NUP98: variants seen among roughly 807,000 people sequenced by gnomAD.
NUP98 encodes the protein nucleoporin 98 and 96 precursor, also known as nuclear pore complex protein Nup98-Nup96.
Under a neutral mutation model 191.9 loss-of-function variants are expected in NUP98, and 26 were observed. The observed-to-expected ratio is 0.14, with a 90% confidence interval of 0.10 to 0.19. The LOEUF (loss-of-function observed/expected upper bound fraction) is 0.19, where lower values mean the gene tolerates loss of function less well. Among genes scored for constraint, NUP98 ranks in the 10% least tolerant of loss-of-function variants. The pLI is 1.00. For synonymous variants in NUP98, 808 were observed against 778.4 expected (o/e 1.04, Z -0.63); for missense variants, 1,941 against 2,178.8 (o/e 0.89, Z 2.17).
chr11:3,718,288 C>G (rs1286552466), intron 18 of NUP98, among the ~76,000 whole-genome samples: 1 of 152,132 alleles, frequency 6.6e-6, no homozygotes, highest in African/African-American at 2.4e-5. Flanking sequence ...GTAATCCCAG[C>G]ACTTTGGGAG....
In NUP98 at chr11:3,749,247, G is replaced by A. The variant is rs576007717; in HGVS notation, c.1267+4069C>T. 2.1e-4 allele frequency among the ~76,000 whole-genome samples: 32 copies of A among 151,976 alleles called. No individual in the cohort carries two copies. The South Asian group carries it at 6.4e-3, about 31-fold the overall frequency. On this transcript the variant is annotated intron_variant, in intron 11 of 32. Coordinates refer to ENST00000324932, the MANE Select transcript of NUP98 (RefSeq NM_016320.5). Reference sequence around the variant, plus strand: ...GGCGTGAACCCGGGAAGCGGAGCTTGCAGTGAGCCGAGATTGCACCACTGC... The same window carrying A: ...GGCGTGAACCCGGGAAGCGGAGCTTACAGTGAGCCGAGATTGCACCACTGC...
chr11:3,744,605 T>C lies in NUP98; in HGVS notation c.1312A>G (p.Lys438Glu), dbSNP rs779585028. 1.2e-6 allele frequency: 2 copies of C among 1,613,288 alleles called. No homozygotes were observed. Among genetic ancestry groups the C allele is most frequent in the Non-Finnish European group, 1.7e-6 (2 of 1,179,590 alleles). ...QASLFGNNQPKIGGPLGTGAF... is the reference protein window; with the variant it reads ...QASLFGNNQPEIGGPLGTGAF... The stretch of plus-strand genomic sequence containing the variant: ...CCTGTACCAAGAGGCCCTCCAATCT[T>C]AGGTTGGTTGTTCCCAAACAAAGAT... The change falls in exon 12 of 33, where the codon AAG becomes GAG. Residue 438 changes from lysine (K) to glutamate (E), a missense_variant. Physicochemically the swap from Lys to Glu is moderately conservative, Grantham distance 56. Coordinates refer to ENST00000324932, the MANE Select transcript of NUP98 (RefSeq NM_016320.5).
intron 1 of NUP98, among the ~76,000 whole-genome samples, chr11:3,791,187 GC>G (rs1351079260): frequency 1.3e-5 from 2 of 151,980 alleles, no homozygotes; most frequent in Non-Finnish European, 2.9e-5. Flanking sequence ...GAGCCACTGC[GC>G]CCCGCCCACC....
rs1420823096 is a variant in NUP98, at chr11:3,719,414, A to G, written c.2397T>C (p.Asn799=). The stretch of plus-strand genomic sequence containing the variant: ...TCTGTATGTACATAAACTCTTACCT[A>G]TTTAGCCCTTCACCCACAGGTGGTT... ...NQKPPVGEGL[N]RKAEVTLDGV... Residue 799 remains asparagine, a splice_region_variant and synonymous_variant, in exon 18 of 33, where the codon AAT becomes AAC. Transcript: ENST00000324932. 1.3e-6 allele frequency: 2 copies of G among 1,592,708 alleles called. No homozygotes were observed. Among genetic ancestry groups the G allele is most frequent in the African/African-American group, 1.4e-5 (1 of 73,520 alleles).
intron 10 of NUP98, among the ~76,000 whole-genome samples, chr11:3,759,791 T>A (rs2081102262): frequency 6.6e-6 from 1 of 152,076 alleles, no homozygotes; most frequent in African/African-American, 2.4e-5. Context: ...AACTACTGAA[T>A]AATCCCCCAA....
intron 11 of NUP98, among the ~76,000 whole-genome samples, chr11:3,750,623 G>GT (rs199629209): frequency 0.067 from 9,932 of 148,398 alleles, 337 homozygotes; most frequent in Middle Eastern, 0.1. Flanking sequence ...CATTTTAAAT[G>GT]TTTTTTTTTT....
At chr11:3,781,700 C>T (rs1229097218) in intron 2 of NUP98, among the ~76,000 whole-genome samples, 1 of 151,896 alleles carries the variant, frequency 6.6e-6, no homozygotes, top group Non-Finnish European at 1.5e-5. Context: ...AGGGTAAATT[C>T]CAGGGCAGTT....
At chr11:3,760,688 C>T in intron 9 of NUP98, 62 bp from the exon 10 acceptor site, 1 of 1,354,574 alleles carries the variant, frequency 7.4e-7, no homozygotes, top group Non-Finnish European at 1.0e-6. Context: ...AAACTAAATA[C>T]AGGTTACCTC....
rs916268649 is a variant in NUP98, at chr11:3,797,530, C to A, written c.-159G>T. 8 of 443,120 alleles carry A rather than the reference C, an allele frequency of 1.8e-5. No homozygotes were observed. Among genetic ancestry groups the A allele is most frequent in the African/African-American group, 6.1e-5 (3 of 48,904 alleles). 27.4% of individuals were successfully genotyped at this position (443,120 alleles called of 1,614,324 possible). A position where few individuals can be genotyped will look rare whatever the true frequency, so the allele number is the denominator to read the frequency against. ...CCCTGCCACCGACCGCCGCTTCGGG[C>A]GCAGCGCGCAGAGGGCCCGACTGCG... On this transcript the variant is annotated 5_prime_UTR_variant, in exon 1 of 33. Coordinates refer to ENST00000324932, the MANE Select transcript of NUP98 (RefSeq NM_016320.5).
chr11:3,695,609 A>T lies in NUP98; in HGVS notation c.4010-3T>A. On this transcript the variant is annotated splice_polypyrimidine_tract_variant and splice_region_variant and intron_variant, in intron 25 of 32. Transcript: ENST00000324932. ...AAGAAGAGCAAGACGATGATCCCCTATAAGAGAAATGGAAGTTTTTTGGTT... is the reference window on the plus strand; with the variant it reads ...AAGAAGAGCAAGACGATGATCCCCTTTAAGAGAAATGGAAGTTTTTTGGTT... 1 of 1,555,280 alleles carries T rather than the reference A, an allele frequency of 6.4e-7. No individual in the cohort carries two copies. Among genetic ancestry groups the T allele is most frequent in the Middle Eastern group, 1.7e-4 (1 of 5,834 alleles).
At chr11:3,766,735 CTTG>C (rs1007312421) in intron 8 of NUP98, among the ~76,000 whole-genome samples, 2 of 149,590 alleles carry the variant, frequency 1.3e-5, no homozygotes, top group Non-Finnish European at 3.0e-5. Flanking sequence ...GGTCCTCCAA[CTTG>C]TTGTTTTTCA....
At chr11:3,771,633 G>C in intron 7 of NUP98, 115 bp downstream of exon 7, 1 of 848,662 alleles carries the variant, frequency 1.2e-6, no homozygotes, top group Non-Finnish European at 1.9e-6. Context: ...CTATTCCTAT[G>C]GTATCCCTGA....
chr11:3,693,579 TAC>T (rs1460615593), intron 26 of NUP98, among the ~76,000 whole-genome samples: 2 of 152,226 alleles, frequency 1.3e-5, no homozygotes, highest in Non-Finnish European at 2.9e-5. Flanking sequence ...GATCGATTGA[TAC>T]AGAGTTGCAC....
At chr11:3,784,250 G>C (rs936383977) in intron 1 of NUP98, among the ~76,000 whole-genome samples, 1 of 152,064 alleles carries the variant, frequency 6.6e-6, no homozygotes, top group Non-Finnish European at 1.5e-5. Context: ...AACATTTTGT[G>C]CAACACTGAA....
intron 10 of NUP98, among the ~76,000 whole-genome samples, chr11:3,755,788 C>T (rs61877602): frequency 1.3e-5 from 2 of 152,120 alleles, no homozygotes. Flanking sequence ...GATGGTGAAA[C>T]CCCATATCTA....
At chr11:3,719,903 G>A (rs1222947979) in intron 17 of NUP98, among the ~76,000 whole-genome samples, 1 of 151,532 alleles carries the variant, frequency 6.6e-6, no homozygotes, top group Non-Finnish European at 1.5e-5. Context: ...GAGACTACAA[G>A]CACATATCAT....
At chr11:3,777,844 G>A (rs573079899) in intron 4 of NUP98, among the ~76,000 whole-genome samples, 8 of 152,130 alleles carry the variant, frequency 5.3e-5, no homozygotes, top group African/African-American at 1.9e-4. Flanking sequence ...ACTTCAGACT[G>A]CATTATATAC....
chr11:3,731,962 C>T (rs986675883), intron 13 of NUP98, among the ~76,000 whole-genome samples: 1 of 152,148 alleles, frequency 6.6e-6, no homozygotes, highest in Admixed American at 6.6e-5. Flanking sequence ...ATTTGGGAGG[C>T]ATTATCTGTG....
intron 16 of NUP98, among the ~76,000 whole-genome samples, chr11:3,721,206 T>C (rs1755486969): frequency 6.6e-6 from 1 of 152,178 alleles, no homozygotes. Context: ...GAGAAAAGCT[T>C]AATCAGCTTT....
Sources: gnomAD v4.1 joint callset for allele counts (sites outside exome capture counted in the v4.1 genomes callset) on GRCh38, gnomAD v4.1.1 for gene constraint, MANE v1.5 for transcripts, NCBI Gene and HGNC (gene_info 2026-07-23, HGNC 2026-07-21) for gene names.